Variants in CEP78 observed in about 807,000 individuals in gnomAD.
CEP78 encodes the protein centrosomal protein of 78 kDa.
Under a neutral mutation model 81.2 loss-of-function variants are expected in CEP78, and 76 were observed. That is an observed-to-expected ratio of 0.94 (90% confidence interval 0.78 to 1.13). The LOEUF (loss-of-function observed/expected upper bound fraction) is 1.13. Ranked by LOEUF, CEP78 falls within the 50% of genes most tolerant of loss-of-function variation. The probability of loss-of-function intolerance (pLI) is 0.00; values close to 1 mark genes in which losing one functional copy is unlikely to be tolerated. For synonymous variants in CEP78, 293 were observed against 301.4 expected (o/e 0.97, Z 0.29); for missense variants, 918 against 846.8 (o/e 1.08, Z -1.04).
chr9:78,239,982 G>A (rs566305436), intron 1 of CEP78, 41 bp from the exon 2 acceptor site: 18 of 1,473,946 alleles, frequency 1.2e-5, no homozygotes, highest in African/African-American at 1.1e-4. Context: ...ATGATACATT[G>A]TATGATTGAA....
rs1427192472 is a variant in CEP78, at chr9:78,275,025, A to C, written c.*4174A>C. 1.3e-5 allele frequency: 2 copies of C among 152,170 alleles called. No individual in the cohort carries two copies. Among genetic ancestry groups the C allele is most frequent in the Non-Finnish European group, 2.9e-5 (2 of 68,024 alleles). 9.4% of individuals were successfully genotyped at this position (152,170 alleles called of 1,614,324 possible). On this transcript the variant is annotated 3_prime_UTR_variant, in exon 17 of 17. Coordinates refer to ENST00000643273, the MANE Select transcript of CEP78 (RefSeq NM_001330691.3). ...CACAGGTTTTTAAAAATGAAAGATAAACCTTTGTAAAATATGATAAAGAAA... is the reference window on the plus strand; with the variant it reads ...CACAGGTTTTTAAAAATGAAAGATACACCTTTGTAAAATATGATAAAGAAA...
At chr9:78,248,423 A>G (rs1826600122) in intron 7 of CEP78, 68 bp downstream of exon 7, 1 of 1,042,462 alleles carries the variant, frequency 9.6e-7, no homozygotes. Flanking sequence ...ATCTCACTGT[A>G]CTGCCCAGCC....
At position 78,277,036 on chromosome 9, in the gene CEP78, C is replaced by T. The variant is rs563933588; in HGVS notation, c.*6185C>T. 6 of 151,360 alleles carry T rather than the reference C, an allele frequency of 4.0e-5. No homozygotes were observed. Among genetic ancestry groups the T allele is most frequent in the Non-Finnish European group, 5.9e-5 (4 of 67,860 alleles). 9.4% of individuals were successfully genotyped at this position (151,360 alleles called of 1,614,324 possible). A position where few individuals can be genotyped will look rare whatever the true frequency, so the allele number is the denominator to read the frequency against. On this transcript the variant is annotated 3_prime_UTR_variant, in exon 17 of 17. Transcript: ENST00000643273. Reference sequence around the variant, plus strand: ...TAGAACCGAGAACCTAGGAACAGAGCAATGTATATATATATGTATTTAAAA... The same window carrying T: ...TAGAACCGAGAACCTAGGAACAGAGTAATGTATATATATATGTATTTAAAA...
chr9:78,253,237 T>TC lies in CEP78; in HGVS notation c.1214dup (p.Leu406IlefsTer6). 1 of 1,330,862 alleles carries TC rather than the reference T, an allele frequency of 7.5e-7. No homozygotes were observed. The highest frequency in any genetic ancestry group is 1.1e-6 in the Non-Finnish European group (1 of 937,094). 82.4% of individuals were successfully genotyped at this position (1,330,862 alleles called of 1,614,324 possible). A position where few individuals can be genotyped will look rare whatever the true frequency, so the allele number is the denominator to read the frequency against. ...ATTTATCGATATCTTTTTAGGGGTT[T>TC]CCCATTAATCAAAACACGTGATATA... On this transcript the variant is annotated frameshift_variant, in exon 10 of 17. Transcript: ENST00000643273. LOFTEE classifies it high-confidence loss of function.
At chr9:78,260,983 G>A (rs905704204) in intron 11 of CEP78, among the ~76,000 whole-genome samples, 6 of 151,836 alleles carry the variant, frequency 4.0e-5, no homozygotes, top group African/African-American at 7.3e-5. Context: ...ATGGAGTCTC[G>A]CTCTGTTGCC....
intron 16 of CEP78, among the ~76,000 whole-genome samples, chr9:78,269,186 GT>G (rs1298902810): frequency 1.3e-5 from 2 of 152,194 alleles, no homozygotes; most frequent in African/African-American, 4.8e-5. Context: ...GAGGGAGTAA[GT>G]TTTAATCTTA....
chr9:78,264,338 A>G (rs1827414992), intron 13 of CEP78, 22 bp downstream of exon 13: 1 of 1,608,218 alleles, frequency 6.2e-7, no homozygotes, highest in Non-Finnish European at 8.5e-7. Context: ...TCTCCCTATG[A>G]CATTCGTCCC....
In CEP78 at chr9:78,275,606, CA is replaced by C. The variant is rs1188633102; in HGVS notation, c.*4774del. On this transcript the variant is annotated 3_prime_UTR_variant, in exon 17 of 17. Coordinates refer to ENST00000643273, the MANE Select transcript of CEP78 (RefSeq NM_001330691.3). ...GGAGACAAGAGGGAAACTCTGTCTC[CA>C]AAAAAAAAAAAAAAAAAATACAGTT... is the stretch of plus-strand genomic sequence containing the variant. 0.013 allele frequency: 892 copies of C among 68,170 alleles called. 8 individuals carry two copies. Among genetic ancestry groups the C allele is most frequent in the African/African-American group, 0.034 (670 of 19,562 alleles). 4.2% of individuals were successfully genotyped at this position (68,170 alleles called of 1,614,324 possible).
intron 1 of CEP78, among the ~76,000 whole-genome samples, chr9:78,239,553 C>T (rs1826119256): frequency 6.6e-6 from 1 of 152,164 alleles, no homozygotes; most frequent in Non-Finnish European, 1.5e-5. Flanking sequence ...CTTAATGTGT[C>T]AGTGGTAGCC....
intron 8 of CEP78, among the ~76,000 whole-genome samples, chr9:78,251,347 A>G (rs1337689180): frequency 2.0e-5 from 3 of 152,210 alleles, no homozygotes; most frequent in Non-Finnish European, 1.5e-5. Flanking sequence ...TAGTTTTTAC[A>G]TGATAAAATT....
intron 15 of CEP78, among the ~76,000 whole-genome samples, 198 bp downstream of exon 15, chr9:78,266,104 AC>A (rs1271809477): frequency 6.6e-6 from 1 of 152,180 alleles, no homozygotes; most frequent in Non-Finnish European, 1.5e-5. Flanking sequence ...TTGGCAACTG[AC>A]GACTTGAAAA....
rs746861398 is a variant in CEP78, at chr9:78,236,470, G to C, written c.120G>C (p.Glu40Asp). The C allele has an allele frequency of 1.1e-5, 17 of 1,606,762 alleles. No homozygotes were observed. In the Admixed American group the frequency reaches 2.9e-4, roughly 27 times the overall value. ...PLPAVRACLR[E>D]GVLDFNADRL... The stretch of plus-strand genomic sequence containing the variant: ...CCGCCGTGCGCGCCTGTCTCCGGGA[G>C]GGCGTGCTGGATTTCAACGCCGACC... The change falls in exon 1 of 17, where the codon GAG becomes GAC. Residue 40 changes from glutamate (E) to aspartate (D), a missense_variant. Glu to Asp is a conservative substitution (Grantham distance 45). Coordinates refer to ENST00000643273, the MANE Select transcript of CEP78 (RefSeq NM_001330691.3).
chr9:78,243,708 A>G, intron 5 of CEP78, 72 bp downstream of exon 5: 3 of 1,235,076 alleles, frequency 2.4e-6, no homozygotes, highest in African/African-American at 1.5e-5. Flanking sequence ...CTCTTGGCAC[A>G]GTAATGTTGT....
In CEP78 at chr9:78,274,709, A is replaced by G. The variant is rs1423573497; in HGVS notation, c.*3858A>G. ...TCTGTATAATGTAATAATAGTAACA[A>G]AAGGCCTGTCCACTTGGAAATTTTT... On this transcript the variant is annotated 3_prime_UTR_variant, in exon 17 of 17. Transcript: ENST00000643273. 1 of 152,224 alleles carries G rather than the reference A, an allele frequency of 6.6e-6. No homozygotes were observed. The highest frequency in any genetic ancestry group is 6.5e-5 in the Admixed American group (1 of 15,288). 9.4% of individuals were successfully genotyped at this position (152,224 alleles called of 1,614,324 possible).
intron 16 of CEP78, among the ~76,000 whole-genome samples, chr9:78,270,202 G>T (rs2118523400): frequency 6.6e-6 from 1 of 152,102 alleles, no homozygotes; most frequent in Non-Finnish European, 1.5e-5. Context: ...GATAACCCCA[G>T]TTTTCTTTAA....
At chr9:78,263,033 G>A (rs1827348350) in intron 12 of CEP78, 49 bp downstream of exon 12, 1 of 1,233,640 alleles carries the variant, frequency 8.1e-7, no homozygotes, top group Non-Finnish European at 1.1e-6. Context: ...TTTGGTTTTG[G>A]TTTAACTTTA....
At chr9:78,246,819 A>G (rs748803864) in intron 6 of CEP78, 37 bp downstream of exon 6, 1 of 1,187,222 alleles carries the variant, frequency 8.4e-7, no homozygotes, top group Non-Finnish European at 1.2e-6. Context: ...ACTAACAAAT[A>G]GCAAAAGAAA....
rs1827735535 is a variant in CEP78, at chr9:78,273,367, GAC to G, written c.*2518_*2519del. On this transcript the variant is annotated 3_prime_UTR_variant, in exon 17 of 17. Coordinates refer to ENST00000643273, the MANE Select transcript of CEP78 (RefSeq NM_001330691.3). ...ACCCAAGGTGAAAATTGGTAAAGGG[GAC>G]AAAAGCTTCTTTTGGCTGATAAGTA... 6.6e-6 allele frequency: 1 copy of G among 152,196 alleles called. No individual in the cohort carries two copies. Among genetic ancestry groups the G allele is most frequent in the African/African-American group, 2.4e-5 (1 of 41,452 alleles). 9.4% of individuals were successfully genotyped at this position (152,196 alleles called of 1,614,324 possible).
At chr9:78,238,535 G>A (rs1156805705) in intron 1 of CEP78, among the ~76,000 whole-genome samples, 1 of 152,144 alleles carries the variant, frequency 6.6e-6, no homozygotes, top group East Asian at 1.9e-4. Context: ...GAGAAAGAGG[G>A]AGGGTGTGCG....
Sources: allele counts gnomAD v4.1 joint callset (sites outside exome capture counted in the v4.1 genomes callset), GRCh38; gene constraint gnomAD v4.1.1; transcripts MANE v1.5; gene names NCBI Gene and HGNC (gene_info 2026-07-23, HGNC 2026-07-21).